ATP8B1: variants seen among roughly 807,000 people sequenced by gnomAD.
The protein encoded by ATP8B1 is ATPase phospholipid transporting 8B1, also known as phospholipid-transporting ATPase IC.
A neutral mutation model predicts 149.9 loss-of-function variants in ATP8B1; 80 were observed. The observed-to-expected ratio is 0.53, with a 90% CI of 0.45 to 0.64. The LOEUF (loss-of-function observed/expected upper bound fraction) is 0.64, where lower values mean the gene tolerates loss of function less well. ATP8B1 is among the 30% of genes least tolerant of loss of function. The probability of loss-of-function intolerance (pLI) is 0.00; values close to 1 mark genes in which losing one functional copy is unlikely to be tolerated. For synonymous variants in ATP8B1, 536 were observed against 562.8 expected (o/e 0.95, Z 0.67); for missense variants, 1,247 against 1,552.6 (o/e 0.80, Z 3.31).
At chr18:57,684,932 C>T in intron 14 of ATP8B1, 140 bp downstream of exon 14, 3 of 1,054,338 alleles carry the variant, frequency 2.8e-6, no homozygotes, top group Non-Finnish European at 4.4e-6. Flanking sequence ...AGCCAAGGAA[C>T]ACCAAGGACT....
At chr18:57,740,311 G>A (rs999382860) in intron 1 of ATP8B1, among the ~76,000 whole-genome samples, 11 of 151,692 alleles carry the variant, frequency 7.3e-5, no homozygotes, top group East Asian at 3.9e-4. Flanking sequence ...GACTATTTCC[G>A]AAATCTGTTT....
intron 13 of ATP8B1, among the ~76,000 whole-genome samples, chr18:57,687,773 A>AT (rs11342488): frequency 0.47 from 44,928 of 94,910 alleles, 12,847 homozygotes; most frequent in East Asian, 0.52. Context: ...GAGACTTCTA[A>AT]TTTTTTTTTT....
At chr18:57,744,485 C>G (rs1456146896) in intron 1 of ATP8B1, among the ~76,000 whole-genome samples, 1 of 151,890 alleles carries the variant, frequency 6.6e-6, no homozygotes, top group Admixed American at 6.6e-5. Context: ...GCTGTCATTT[C>G]CCCAGATGTT....
At chr18:57,697,584 C>A in intron 8 of ATP8B1, 34 bp downstream of exon 8, 1 of 1,607,486 alleles carries the variant, frequency 6.2e-7, no homozygotes, top group Non-Finnish European at 8.5e-7. Flanking sequence ...CTTCAAAGGC[C>A]AGCTTTAAAT....
chr18:57,741,231 C>G (rs2079911227), intron 1 of ATP8B1, among the ~76,000 whole-genome samples: 1 of 152,132 alleles, frequency 6.6e-6, no homozygotes, highest in African/African-American at 2.4e-5. Context: ...CCACTGTGCC[C>G]AGCTTGAACC....
At chr18:57,778,454 G>T (rs2850234) in intron 1 of ATP8B1, among the ~76,000 whole-genome samples, 151,853 of 152,038 alleles carry the variant, frequency 1, 75,837 homozygotes, top group East Asian at 1. Flanking sequence ...ATGGTCTTGA[G>T]CTCCTGACCT....
At chr18:57,662,681 A>C (rs2122655547) in intron 20 of ATP8B1, 66 bp from the exon 21 acceptor site, 1 of 1,549,156 alleles carries the variant, frequency 6.5e-7, no homozygotes, top group East Asian at 2.3e-5. Flanking sequence ...CTCTGAGATA[A>C]CTTTGACTTA....
At chr18:57,663,633 AG>A in intron 20 of ATP8B1, among the ~76,000 whole-genome samples, 1 of 152,088 alleles carries the variant, frequency 6.6e-6, no homozygotes, top group East Asian at 1.9e-4. Context: ...AAAGGGTGTG[AG>A]GTGTTATCTT....
rs1568198034 is a variant in ATP8B1, at chr18:57,691,844, C to T, written c.1183G>A (p.Val395Ile). 6.2e-7 allele frequency: 1 copy of T among 1,614,098 alleles called. No individual in the cohort carries two copies. The highest frequency in any genetic ancestry group is 8.5e-7 in the Non-Finnish European group (1 of 1,179,990). ...GAGATGGGTACCATGGTGTTGAGAA[C>T]AATGATATAGCCCCAGAAAATGAGG... Reference protein sequence around the residue: ...GFLIFWGYIIVLNTMVPISLY... With the variant: ...GFLIFWGYIIILNTMVPISLY... Residue 395 changes from valine to isoleucine, a missense_variant, in exon 12 of 28, where the codon GTT becomes ATT. Physicochemically the swap from Val to Ile is conservative, Grantham distance 29. Coordinates refer to ENST00000648908, the MANE Select transcript of ATP8B1 (RefSeq NM_001374385.1).
At chr18:57,681,354 A>G (rs568726806) in intron 15 of ATP8B1, among the ~76,000 whole-genome samples, 57 of 152,192 alleles carry the variant, frequency 3.7e-4, no homozygotes, top group Non-Finnish European at 1.0e-4. Flanking sequence ...ACTGAGCTCC[A>G]GATGAGAACA....
chr18:57,728,006 C>T (rs1425204003), intron 2 of ATP8B1, among the ~76,000 whole-genome samples: 1 of 152,170 alleles, frequency 6.6e-6, no homozygotes, highest in African/African-American at 2.4e-5. Context: ...CTCCATGGCA[C>T]ATTCTAACAG....
intron 23 of ATP8B1, 127 bp downstream of exon 23, chr18:57,655,067 C>T (rs1909898465): frequency 2.4e-6 from 2 of 831,332 alleles, no homozygotes; most frequent in South Asian, 3.1e-5. Flanking sequence ...TAATTATGCC[C>T]CAACTGTAAG....
chr18:57,756,295 G>GTATATATATATATACATATATATATATA (rs2080081106), intron 1 of ATP8B1, among the ~76,000 whole-genome samples: 1 of 109,466 alleles, frequency 9.1e-6, no homozygotes, highest in Non-Finnish European at 1.8e-5. Flanking sequence ...ATATGTGTGT[G>GTATATATATATATACATATATATATATA]TGTATGTATA....
At chr18:57,694,439 T>TA in intron 11 of ATP8B1, 143 bp downstream of exon 11, 1 of 605,484 alleles carries the variant, frequency 1.7e-6, no homozygotes. Context: ...AATCCCTTCT[T>TA]CCTGCATTTG....
intron 2 of ATP8B1, among the ~76,000 whole-genome samples, chr18:57,715,218 G>A (rs1357067779): frequency 1.3e-5 from 2 of 152,118 alleles, no homozygotes; most frequent in Admixed American, 6.5e-5. Context: ...AAATGCAACC[G>A]ACATACTGAA....
At chr18:57,668,025 A>G in intron 19 of ATP8B1, 1 of 1,229,714 alleles carries the variant, frequency 8.1e-7, no homozygotes, top group Non-Finnish European at 1.1e-6. Context: ...TTTATTGCCA[A>G]GCAATAAAAT....
At chr18:57,732,579 T>C in intron 1 of ATP8B1, among the ~76,000 whole-genome samples, 1 of 152,026 alleles carries the variant, frequency 6.6e-6, no homozygotes, top group Non-Finnish European at 1.5e-5. Flanking sequence ...TTTTCTTTTT[T>C]TGAGATAGAG....
At chr18:57,659,840 A>C (rs1352956662) in intron 22 of ATP8B1, 1 of 152,236 alleles carries the variant, frequency 6.6e-6, no homozygotes, top group Non-Finnish European at 1.5e-5. Flanking sequence ...AGACAGACTC[A>C]TGAGTCACAA....
At chr18:57,704,219 C>T (rs1466988991) in intron 4 of ATP8B1, among the ~76,000 whole-genome samples, 4 of 152,192 alleles carry the variant, frequency 2.6e-5, no homozygotes, top group East Asian at 1.9e-4. Flanking sequence ...CCACCCGCCT[C>T]GGCCTCCCAA....
Sources: allele counts gnomAD v4.1 joint callset (sites outside exome capture counted in the v4.1 genomes callset), GRCh38; gene constraint gnomAD v4.1.1; transcripts MANE v1.5; gene names NCBI Gene and HGNC (gene_info 2026-07-23, HGNC 2026-07-21).